Variants in VBP1 observed in about 807,000 individuals in gnomAD.
VBP1 encodes the protein VHL binding protein 1.
VBP1 carries 4 observed loss-of-function variants against 15.5 expected under a neutral mutation model. The observed-to-expected ratio is 0.26, with a 90% CI of 0.13 to 0.59. The LOEUF (loss-of-function observed/expected upper bound fraction) is 0.59. Ranked by LOEUF, VBP1 falls within the 20% of genes least tolerant of loss-of-function variation. VBP1 has a pLI of 0.90. For synonymous variants in VBP1, 61 were observed against 52.1 expected (o/e 1.17, Z -0.74); for missense variants, 108 against 139.6 (o/e 0.77, Z 1.14).
intron 2 of VBP1, among the ~76,000 whole-genome samples, chrX:155,209,280 T>C (rs189247107): frequency 4.4e-4 from 49 of 111,978 alleles, no homozygotes; most frequent in African/African-American, 1.6e-3. Flanking sequence ...GTGATTAGTA[T>C]TGGAGAAGTG....
At chrX:155,227,030 T>A (rs2074722842) in intron 2 of VBP1, 1 of 139,896 alleles carries the variant, frequency 7.1e-6, no homozygotes, top group East Asian at 1.9e-4. Flanking sequence ...AAATATATTT[T>A]CTTTTGGTGA....
chrX:155,236,395 G>A (rs41302186), intron 5 of VBP1, 28 bp downstream of exon 5: 20 of 1,176,080 alleles, frequency 1.7e-5, no homozygotes, highest in Admixed American at 2.6e-5. Flanking sequence ...AAAAAGCAAG[G>A]GAAAAAAGGA....
intron 5 of VBP1, among the ~76,000 whole-genome samples, chrX:155,237,971 G>A: frequency 9.0e-6 from 1 of 111,357 alleles, no homozygotes; most frequent in Non-Finnish European, 1.9e-5. Flanking sequence ...ATCATCTGAC[G>A]GGTAGTGTGG....
chrX:155,206,173 G>C (rs1269438046), intron 1 of VBP1, among the ~76,000 whole-genome samples: 5 of 111,516 alleles, frequency 4.5e-5, no homozygotes, highest in Non-Finnish European at 3.8e-5. Context: ...ATTGGAGTAG[G>C]TTTCCATTTT....
At chrX:155,229,116 G>A (rs782581533) in intron 4 of VBP1, among the ~76,000 whole-genome samples, 137 of 111,545 alleles carry the variant, frequency 1.2e-3, no homozygotes, top group African/African-American at 4.2e-3. Flanking sequence ...GCTGTCCTAC[G>A]GGGAGGATTT....
intron 4 of VBP1, among the ~76,000 whole-genome samples, chrX:155,231,274 C>T (rs1183941921): frequency 2.7e-5 from 3 of 111,777 alleles, no homozygotes; most frequent in Non-Finnish European, 5.6e-5. Flanking sequence ...CCATGGTGGC[C>T]CCCTAACTGT....
chrX:155,221,256 C>G (rs782626311), intron 2 of VBP1, among the ~76,000 whole-genome samples: 1 of 110,964 alleles, frequency 9.0e-6, no homozygotes, highest in Non-Finnish European at 1.9e-5. Flanking sequence ...TGCTTGAGCC[C>G]GGGAGGCGAA....
In VBP1 at chrX:155,228,452, T is replaced by A. The variant is rs782626669; in HGVS notation, c.354T>A (p.Pro118=). The A allele has an allele frequency of 8.3e-7, 1 of 1,206,777 alleles. No homozygotes were observed. Among genetic ancestry groups the A allele is most frequent in the Admixed American group, 2.2e-5 (1 of 45,551 alleles). Residue 118 remains proline (P), a synonymous_variant, in exon 4 of 6, where the codon CCT becomes CCA. Coordinates refer to ENST00000286428, the MANE Select transcript of VBP1 (RefSeq NM_003372.7). Reference sequence around the variant, plus strand: ...ACCTGTATTGCAAAGCTTCAGTTCCTCCTACCGATAAAGTGTGTCTGTGGT... The same window carrying A: ...ACCTGTATTGCAAAGCTTCAGTTCCACCTACCGATAAAGTGTGTCTGTGGT... The part of the protein sequence containing the change: ...ADNLYCKASV[P]PTDKVCLWLG...
intron 1 of VBP1, among the ~76,000 whole-genome samples, chrX:155,218,867 C>G (rs1422835323): frequency 4.5e-5 from 5 of 112,112 alleles, no homozygotes; most frequent in African/African-American, 1.6e-4. Flanking sequence ...AGCTGGGATT[C>G]AAACCAGGCA....
At chrX:155,200,796 CT>C (rs1347948533) in intron 1 of VBP1, among the ~76,000 whole-genome samples, 1 of 110,149 alleles carries the variant, frequency 9.1e-6, no homozygotes, top group African/African-American at 3.3e-5. Context: ...ACAAAAAACC[CT>C]TCAAAAAGTT....
intron 1 of VBP1, among the ~76,000 whole-genome samples, chrX:155,201,126 C>T (rs1169346770): frequency 9.0e-6 from 1 of 110,755 alleles, no homozygotes; most frequent in African/African-American, 3.3e-5. Context: ...CAATAGCTTA[C>T]CAACCAAAAA....
chrX:155,234,125 T>G (rs1224296718), intron 4 of VBP1, among the ~76,000 whole-genome samples: 14 of 88,156 alleles, frequency 1.6e-4, no homozygotes, highest in Non-Finnish European at 2.9e-4. Flanking sequence ...TTTTTTTTTT[T>G]TTTTTTTTTT....
intron 4 of VBP1, among the ~76,000 whole-genome samples, chrX:155,235,297 G>A (rs782184110): frequency 1.1e-4 from 12 of 110,783 alleles, no homozygotes; most frequent in African/African-American, 4.0e-4. Flanking sequence ...TGTCCTATCT[G>A]AATTTTAATA....
intron 1 of VBP1, among the ~76,000 whole-genome samples, chrX:155,217,617 GTTA>G (rs1218926171): frequency 2.7e-5 from 3 of 112,062 alleles, no homozygotes; most frequent in South Asian, 3.7e-4. Flanking sequence ...TTCGTAATTG[GTTA>G]TTATTTTGTG....
chrX:155,237,360 T>G (rs2074779025), intron 5 of VBP1, among the ~76,000 whole-genome samples: 1 of 111,950 alleles, frequency 8.9e-6, no homozygotes, highest in East Asian at 2.8e-4. Context: ...ACTGTTCTCG[T>G]TCTGGGGCTC....
intron 1 of VBP1, among the ~76,000 whole-genome samples, chrX:155,198,406 G>C (rs1310216318): frequency 9.0e-6 from 1 of 111,563 alleles, no homozygotes; most frequent in Non-Finnish European, 1.9e-5. Context: ...ACTCCTCTGA[G>C]ACAAAACTTC....
At chrX:155,206,668 T>G (rs1278247295) in intron 1 of VBP1, among the ~76,000 whole-genome samples, 1 of 108,930 alleles carries the variant, frequency 9.2e-6, no homozygotes, top group Non-Finnish European at 1.9e-5. Context: ...TAGGGGTGAG[T>G]GGAGAATGAG....
At chrX:155,234,210 T>A (rs1448736499) in intron 4 of VBP1, among the ~76,000 whole-genome samples, 1 of 98,495 alleles carries the variant, frequency 1.0e-5, no homozygotes, top group Non-Finnish European at 2.0e-5. Context: ...AACTTCCGCC[T>A]CCTGGGTTCA....
At chrX:155,216,680 T>C in intron 1 of VBP1, 105 bp downstream of exon 1, 1 of 1,079,687 alleles carries the variant, frequency 9.3e-7, no homozygotes, top group Non-Finnish European at 1.2e-6. Context: ...CTGAGCCAAG[T>C]GTTCAGGGAG....
Sources: allele counts gnomAD v4.1 joint callset (sites outside exome capture counted in the v4.1 genomes callset), GRCh38; gene constraint gnomAD v4.1.1; transcripts MANE v1.5; gene names NCBI Gene and HGNC (gene_info 2026-07-23, HGNC 2026-07-21).